The following CNIH4 variants were observed in gnomAD, a reference collection of about 807,000 sequenced individuals.
CNIH4 encodes the protein cornichon family member 4.
In CNIH4, 9 loss-of-function variants were observed where a neutral mutation model predicts 21.5. That is an observed-to-expected ratio of 0.42 (90% CI 0.25 to 0.73). The LOEUF (loss-of-function observed/expected upper bound fraction) is 0.73. Ranked by LOEUF, CNIH4 falls within the 30% of genes least tolerant of loss-of-function variation. The pLI, the probability that CNIH4 is intolerant of heterozygous loss-of-function variation, is 0.27. For missense variants in CNIH4, 159 were observed against 170.0 expected, an observed-to-expected ratio of 0.94 and a Z score of 0.36; for synonymous variants, 67 against 59.1, an observed-to-expected ratio of 1.13 and a Z score of -0.61.
chr1:224,360,294 G>A (rs1211362722), intron 1 of CNIH4, among the ~76,000 whole-genome samples: 1 of 151,922 alleles, frequency 6.6e-6, no homozygotes, highest in Admixed American at 6.6e-5. Flanking sequence ...TTAGATTTGA[G>A]CAAAATAGGA....
intron 3 of CNIH4, among the ~76,000 whole-genome samples, chr1:224,366,368 T>C (rs1372935270): frequency 6.6e-6 from 1 of 151,430 alleles, no homozygotes; most frequent in Non-Finnish European, 1.5e-5. Context: ...TCTTTTTTTT[T>C]GGAGATGGAG....
rs1317105776 is a variant in CNIH4, at chr1:224,378,017, A to G, written c.*2195A>G. ...CTCTTCCTTCTTGTATTGCTTGTCT[A>G]TCAAAGCCAGGAAAGTGGGGGATCA... On this transcript the variant is annotated 3_prime_UTR_variant, in exon 5 of 5. Transcript: ENST00000465271. 1 of 152,126 alleles carries G rather than the reference A, an allele frequency of 6.6e-6. No individual in the cohort carries two copies. The highest frequency in any genetic ancestry group is 2.4e-5 in the African/African-American group (1 of 41,424). 9.4% of individuals were successfully genotyped at this position (152,126 alleles called of 1,614,324 possible).
intron 4 of CNIH4, among the ~76,000 whole-genome samples, chr1:224,371,888 G>C (rs1230265812): frequency 6.6e-6 from 1 of 152,226 alleles, no homozygotes; most frequent in African/African-American, 2.4e-5. Flanking sequence ...GTTGTGGTGA[G>C]CCAGGATCGC....
intron 2 of CNIH4, among the ~76,000 whole-genome samples, chr1:224,364,670 C>T (rs908770806): frequency 6.6e-6 from 1 of 152,196 alleles, no homozygotes; most frequent in Non-Finnish European, 1.5e-5. Flanking sequence ...CGCAGTGGCT[C>T]ACGCCTGTAA....
intron 4 of CNIH4, 60 bp downstream of exon 4, chr1:224,371,483 T>C: frequency 6.6e-7 from 1 of 1,508,874 alleles, no homozygotes; most frequent in Non-Finnish European, 9.0e-7. Context: ...GGGTGAGATA[T>C]TACTATACTA....
At chr1:224,357,143 G>C in intron 1 of CNIH4, 150 bp downstream of exon 1, 1 of 828,250 alleles carries the variant, frequency 1.2e-6, no homozygotes, top group South Asian at 1.6e-5. Flanking sequence ...GCGGTGGCGC[G>C]GGCCCCGGAG....
intron 1 of CNIH4, among the ~76,000 whole-genome samples, chr1:224,360,214 A>AT (rs61520460): frequency 0.014 from 2,006 of 140,840 alleles, 38 homozygotes; most frequent in African/African-American, 0.041. Flanking sequence ...GATATTTCCC[A>AT]TTTTTTTTTT....
upstream of CNIH4, chr1:224,356,875 G>T: frequency 6.6e-7 from 1 of 1,520,166 alleles, no homozygotes; most frequent in Non-Finnish European, 9.0e-7. Flanking sequence ...GGGTGGGTCG[G>T]GGCATCCGAG....
intron 1 of CNIH4, among the ~76,000 whole-genome samples, chr1:224,359,929 C>T (rs1216055273): frequency 6.6e-6 from 1 of 152,034 alleles, no homozygotes; most frequent in Non-Finnish European, 1.5e-5. Context: ...GCCAGGAGTT[C>T]GAGACCAGCC....
chr1:224,365,322 G>A (rs1672419224), intron 2 of CNIH4, among the ~76,000 whole-genome samples: 2 of 152,214 alleles, frequency 1.3e-5, no homozygotes, highest in South Asian at 4.1e-4. Flanking sequence ...GAAGGGCATG[G>A]AGCTCTGTAA....
intron 3 of CNIH4, among the ~76,000 whole-genome samples, chr1:224,367,193 C>G (rs1006826309): frequency 2.0e-5 from 3 of 152,040 alleles, no homozygotes; most frequent in Non-Finnish European, 2.9e-5. Context: ...GGTTTTATTT[C>G]ATTTTTATTT....
At chr1:224,366,984 C>A (rs927004234) in intron 3 of CNIH4, among the ~76,000 whole-genome samples, 4 of 150,794 alleles carry the variant, frequency 2.7e-5, no homozygotes, top group African/African-American at 7.3e-5. Context: ...AAAAAAGCTG[C>A]AAATTAGGTA....
At chr1:224,362,825 T>C (rs1672338065) in intron 2 of CNIH4, among the ~76,000 whole-genome samples, 1 of 152,038 alleles carries the variant, frequency 6.6e-6, no homozygotes, top group Admixed American at 6.6e-5. Context: ...TTTGGACATC[T>C]GATAGGCTCT....
At chr1:224,371,919 G>C (rs543334224) in intron 4 of CNIH4, among the ~76,000 whole-genome samples, 1 of 152,292 alleles carries the variant, frequency 6.6e-6, no homozygotes, top group Non-Finnish European at 1.5e-5. Context: ...TCCATCCTGG[G>C]CAACAATAGT....
intron 4 of CNIH4, among the ~76,000 whole-genome samples, chr1:224,374,338 G>T (rs1197996474): frequency 6.6e-6 from 1 of 151,986 alleles, no homozygotes; most frequent in African/African-American, 2.4e-5. Flanking sequence ...TATGCTTTTG[G>T]TTTTTTGATT....
chr1:224,357,098 C>T (rs1672137502), intron 1 of CNIH4, 105 bp downstream of exon 1: 4 of 1,302,868 alleles, frequency 3.1e-6, no homozygotes, highest in Non-Finnish European at 4.3e-6. Context: ...CGCCCGGCGG[C>T]GGGCGTGGGC....
At chr1:224,368,891 C>T (rs1672542166) in intron 3 of CNIH4, among the ~76,000 whole-genome samples, 1 of 147,124 alleles carries the variant, frequency 6.8e-6, no homozygotes. Flanking sequence ...TCCTTGCCAA[C>T]ACTTTTTACT....
At chr1:224,363,810 A>G (rs181357969) in intron 2 of CNIH4, among the ~76,000 whole-genome samples, 2 of 152,152 alleles carry the variant, frequency 1.3e-5, no homozygotes, top group African/African-American at 4.8e-5. Flanking sequence ...AGCTCTTTGG[A>G]TGGTCTAGAT....
chr1:224,376,700 T>G lies in CNIH4; in HGVS notation c.*878T>G, dbSNP rs748719936. The stretch of plus-strand genomic sequence containing the variant: ...GGTGCCAGATCAACACTTCTATCCC[T>G]CTGCACTGACCACGTTGTGAACTGG... On this transcript the variant is annotated 3_prime_UTR_variant, in exon 5 of 5. Transcript: ENST00000465271. The G allele has an allele frequency of 1.0e-6, 1 of 985,330 alleles. No homozygotes were observed. The highest frequency in any genetic ancestry group is 1.2e-6 in the Non-Finnish European group (1 of 829,952). 61.0% of individuals were successfully genotyped at this position (985,330 alleles called of 1,614,324 possible). A position where few individuals can be genotyped will look rare whatever the true frequency, so the allele number is the denominator to read the frequency against.
Sources: allele counts gnomAD v4.1 joint callset (sites outside exome capture counted in the v4.1 genomes callset), GRCh38; gene constraint gnomAD v4.1.1; transcripts MANE v1.5; gene names NCBI Gene and HGNC (gene_info 2026-07-23, HGNC 2026-07-21).